The following TLK1 variants were observed in gnomAD, a reference collection of about 807,000 sequenced individuals.
TLK1 encodes the protein tousled like kinase 1.
TLK1 carries 24 observed loss-of-function variants against 105.3 expected under a neutral mutation model. The ratio of observed to expected loss-of-function variants is 0.23; its 90% CI spans 0.17 to 0.32. The LOEUF (loss-of-function observed/expected upper bound fraction) is 0.32. Among genes scored for constraint, TLK1 ranks in the 10% least tolerant of loss-of-function variants. TLK1 has a pLI of 1.00. For synonymous variants in TLK1, 321 were observed against 310.4 expected, an observed-to-expected ratio of 1.03 and a Z score of -0.36; for missense variants, 558 against 910.5, an observed-to-expected ratio of 0.61 and a Z score of 4.98.
chr2:171,221,698 T>C (rs555509364), intron 1 of TLK1, among the ~76,000 whole-genome samples: 19 of 152,094 alleles, frequency 1.2e-4, no homozygotes, highest in Non-Finnish European at 2.2e-4. Context: ...GCCAGTAGGG[T>C]TGGTTTTTGT....
intron 2 of TLK1, among the ~76,000 whole-genome samples, chr2:171,112,887 T>C (rs1690245160): frequency 1.3e-5 from 2 of 152,176 alleles, no homozygotes; most frequent in African/African-American, 2.4e-5. Context: ...GGGAGACATT[T>C]CATGTACTTA....
rs969052358 is a variant in TLK1, at chr2:171,063,832, C to T, written c.331-2676G>A. On this transcript the variant is annotated intron_variant, in intron 3 of 20. Transcript: ENST00000431350. The stretch of plus-strand genomic sequence containing the variant: ...CAAAATGCTAACATGCACTGGCTAT[C>T]TCCAAAAGAGGGATGAGGTGGGAAG... Among the ~76,000 whole-genome samples the T allele has an allele frequency of 2.6e-5, 4 of 152,292 alleles. No individual in the cohort carries two copies. In the East Asian group the frequency reaches 5.8e-4, roughly 22 times the overall value.
chr2:171,177,857 G>C (rs1283503177), intron 1 of TLK1, among the ~76,000 whole-genome samples: 1 of 152,070 alleles, frequency 6.6e-6, no homozygotes, highest in East Asian at 1.9e-4. Flanking sequence ...GAAATGGCGT[G>C]ATCTTGGCTC....
chr2:171,120,401 T>TA (rs1476134573), intron 1 of TLK1, among the ~76,000 whole-genome samples: 3 of 151,372 alleles, frequency 2.0e-5, no homozygotes, highest in African/African-American at 7.3e-5. Flanking sequence ...ATATATCTGA[T>TA]AAAGGATTGA....
chr2:170,994,171 C>T (rs1046052769), intron 20 of TLK1, among the ~76,000 whole-genome samples: 5 of 152,164 alleles, frequency 3.3e-5, no homozygotes, highest in Non-Finnish European at 7.4e-5. Context: ...ACTTTACAGT[C>T]TAAATTACTA....
chr2:171,050,145 A>G lies in TLK1; in HGVS notation c.762T>C (p.Asp254=), dbSNP rs200595823. The change falls in exon 9 of 21, where the codon GAT becomes GAC. Residue 254 remains aspartate, a synonymous_variant. Transcript: ENST00000431350. ...ATTTTTCAAGTAATTTTTGTTGTTC[A>G]TCTATTTGCCGTCTGAGATCACAGT... is the stretch of plus-strand genomic sequence containing the variant. The part of the protein sequence containing the change: ...RANCDLRRQI[D]EQQKLLEKYK... 6.3e-7 allele frequency: 1 copy of G among 1,597,216 alleles called. No individual in the cohort carries two copies. Among genetic ancestry groups the G allele is most frequent in the African/African-American group, 1.3e-5 (1 of 74,632 alleles).
intron 2 of TLK1, among the ~76,000 whole-genome samples, chr2:171,104,773 G>C (rs780973038): frequency 7.2e-5 from 11 of 152,114 alleles, no homozygotes; most frequent in Non-Finnish European, 1.5e-4. Flanking sequence ...TTGCTTTCTT[G>C]ATTTCTTTTT....
intron 1 of TLK1, among the ~76,000 whole-genome samples, chr2:171,127,141 G>GT (rs1690899952): frequency 6.6e-6 from 1 of 151,834 alleles, no homozygotes. Flanking sequence ...GCCAGGCGTG[G>GT]TGGTGCACAC....
At chr2:170,996,061 C>T (rs1002652911) in intron 20 of TLK1, among the ~76,000 whole-genome samples, 1 of 151,534 alleles carries the variant, frequency 6.6e-6, no homozygotes, top group African/African-American at 2.4e-5. Flanking sequence ...GCAGCGGTAT[C>T]GTCATGGCTC....
chr2:171,086,853 G>A (rs537649790), intron 2 of TLK1, among the ~76,000 whole-genome samples: 1 of 152,184 alleles, frequency 6.6e-6, no homozygotes, highest in South Asian at 2.1e-4. Context: ...GGATACGCTG[G>A]AAAATAAAGA....
chr2:171,098,718 T>C (rs1167024223), intron 2 of TLK1, among the ~76,000 whole-genome samples: 1 of 152,140 alleles, frequency 6.6e-6, no homozygotes, highest in Non-Finnish European at 1.5e-5. Context: ...GCAAAAATCC[T>C]CAACAAAATA....
At chr2:171,148,922 T>C (rs1365582919) in intron 1 of TLK1, among the ~76,000 whole-genome samples, 3 of 147,260 alleles carry the variant, frequency 2.0e-5, no homozygotes, top group Admixed American at 6.8e-5. Context: ...TGTGTGTGTG[T>C]GTGTGCGTGT....
intron 3 of TLK1, among the ~76,000 whole-genome samples, chr2:171,077,323 T>G (rs1275030195): frequency 2.6e-5 from 4 of 152,198 alleles, no homozygotes; most frequent in Non-Finnish European, 5.9e-5. Context: ...CAGGAAAAGA[T>G]GTGTGGTTTT....
intron 9 of TLK1, 55 bp from the exon 10 acceptor site, chr2:171,050,005 A>G (rs1687159659): frequency 6.2e-7 from 1 of 1,611,020 alleles, no homozygotes; most frequent in Middle Eastern, 1.7e-4. Flanking sequence ...TTATAAAAGC[A>G]TACAAAGCAA....
chr2:171,137,343 A>G (rs1374979886), intron 1 of TLK1, among the ~76,000 whole-genome samples: 2 of 152,164 alleles, frequency 1.3e-5, no homozygotes, highest in Admixed American at 6.5e-5. Context: ...AATTAGATGC[A>G]GAGCAGAAAT....
At chr2:171,094,167 TA>T (rs35235171) in intron 2 of TLK1, among the ~76,000 whole-genome samples, 29,825 of 152,078 alleles carry the variant, frequency 0.2, 3,727 homozygotes, top group Non-Finnish European at 0.28. Context: ...TAATTAGAAA[TA>T]AAAGAGTTGA....
At chr2:171,060,982 C>G in intron 4 of TLK1, 99 bp downstream of exon 4, 65 of 1,186,334 alleles carry the variant, frequency 5.5e-5, no homozygotes, top group Non-Finnish European at 6.9e-5. Flanking sequence ...AAATTTACAA[C>G]TTCATATTAT....
intron 14 of TLK1, among the ~76,000 whole-genome samples, chr2:171,010,717 T>C (rs1353141553): frequency 2.0e-5 from 3 of 151,746 alleles, no homozygotes; most frequent in South Asian, 2.1e-4. Flanking sequence ...GGACTTGACA[T>C]AGGTAGAAAT....
chr2:171,103,889 TG>T (rs1369624725), intron 2 of TLK1, among the ~76,000 whole-genome samples: 1 of 152,250 alleles, frequency 6.6e-6, no homozygotes, highest in African/African-American at 2.4e-5. Context: ...ACCAAAAAGC[TG>T]TTAGAACTGA....
Sources: allele counts gnomAD v4.1 joint callset (sites outside exome capture counted in the v4.1 genomes callset), GRCh38; gene constraint gnomAD v4.1.1; transcripts MANE v1.5; gene names NCBI Gene and HGNC (gene_info 2026-07-23, HGNC 2026-07-21).